The following MMP26 variants were observed in gnomAD, a reference collection of about 807,000 sequenced individuals.
MMP26 encodes the protein matrix metallopeptidase 26, also known as matrix metalloproteinase-26.
Under a neutral mutation model 31.0 loss-of-function variants are expected in MMP26, and 33 were observed. The ratio of observed to expected loss-of-function variants is 1.06; its 90% confidence interval spans 0.81 to 1.42. The LOEUF (loss-of-function observed/expected upper bound fraction) is 1.42. Among genes scored for constraint, MMP26 ranks in the 40% most tolerant of loss-of-function variants. The pLI is 0.00. For missense variants in MMP26, 347 were observed against 316.1 expected (o/e 1.10, Z -0.74); for synonymous variants, 122 against 114.9 (o/e 1.06, Z -0.40).
intron 1 of MMP26, among the ~76,000 whole-genome samples, chr11:4,712,733 A>G (rs1250904508): frequency 1.3e-5 from 2 of 152,042 alleles, no homozygotes; most frequent in Admixed American, 1.3e-4. Flanking sequence ...GTACCTTAAT[A>G]AAATCCACTT....
intron 2 of MMP26, among the ~76,000 whole-genome samples, chr11:4,956,335 G>A (rs1846442581): frequency 6.6e-6 from 1 of 152,178 alleles, no homozygotes; most frequent in South Asian, 2.1e-4. Context: ...TCTGGGGATT[G>A]CAGCCAGGGT....
intron 2 of MMP26, among the ~76,000 whole-genome samples, chr11:4,939,764 G>C (rs1474232474): frequency 1.3e-5 from 2 of 152,060 alleles, no homozygotes; most frequent in African/African-American, 4.8e-5. Context: ...CCAGGACCTT[G>C]CTTCCTTGGA....
chr11:4,898,920 T>C (rs1433784660), intron 2 of MMP26, among the ~76,000 whole-genome samples: 1 of 151,436 alleles, frequency 6.6e-6, no homozygotes, highest in Non-Finnish European at 1.5e-5. Context: ...GAAGCTTTAT[T>C]AGTTAGAAAG....
chr11:4,848,713 G>A (rs1025636880), intron 2 of MMP26: 4 of 1,613,970 alleles, frequency 2.5e-6, no homozygotes, highest in Admixed American at 3.3e-5. Context: ...AATGGCAGGG[G>A]CAGATGGAGA....
At chr11:4,781,595 A>C (rs1446380369) in intron 2 of MMP26, among the ~76,000 whole-genome samples, 5 of 57,740 alleles carry the variant, frequency 8.7e-5, no homozygotes, top group East Asian at 7.3e-4. Flanking sequence ...AAAAAAAAAA[A>C]AAAAAAAAAA....
chr11:4,859,698 C>T (rs1564795473), intron 2 of MMP26: 1 of 469,640 alleles, frequency 2.1e-6, no homozygotes. Flanking sequence ...TGGGGTTTAG[C>T]ACAGGCGGGA....
chr11:4,810,120 C>T (rs561620145), intron 2 of MMP26, among the ~76,000 whole-genome samples: 122 of 152,320 alleles, frequency 8.0e-4, no homozygotes, highest in African/African-American at 2.8e-3. Flanking sequence ...AGCATTAACC[C>T]ATCCCTTTCC....
chr11:4,938,790 C>T (rs1278195228), intron 2 of MMP26, among the ~76,000 whole-genome samples: 2 of 152,028 alleles, frequency 1.3e-5, no homozygotes, highest in Non-Finnish European at 2.9e-5. Flanking sequence ...ATAGGATGAA[C>T]ATTTGAAGTA....
At chr11:4,734,633 T>C (rs1345238746) in intron 1 of MMP26, among the ~76,000 whole-genome samples, 1 of 152,184 alleles carries the variant, frequency 6.6e-6, no homozygotes, top group Non-Finnish European at 1.5e-5. Flanking sequence ...GGGATTTTTT[T>C]TATGACCCGT....
intron 2 of MMP26, among the ~76,000 whole-genome samples, chr11:4,986,942 TCTCTCTCTCTCTCTCTCC>T (rs1589824944): frequency 5.0e-5 from 6 of 120,932 alleles, no homozygotes; most frequent in East Asian, 4.3e-4. Flanking sequence ...CCTCTCTCTC[TCTCTCTCTCTCTCTCTCC>T]CTCTCTCTCT....
chr11:4,946,956 A>G, intron 2 of MMP26: 1 of 1,605,586 alleles, frequency 6.2e-7, no homozygotes, highest in Non-Finnish European at 8.5e-7. Context: ...TTGATGATAA[A>G]AAGAATGGTG....
chr11:4,837,192 T>C (rs1849730822), intron 2 of MMP26, among the ~76,000 whole-genome samples: 1 of 152,106 alleles, frequency 6.6e-6, no homozygotes. Context: ...AAACTGCAAT[T>C]ATGTTTGCAC....
At chr11:4,928,285 C>G (rs1341667697) in intron 2 of MMP26, among the ~76,000 whole-genome samples, 1 of 152,130 alleles carries the variant, frequency 6.6e-6, no homozygotes, top group Non-Finnish European at 1.5e-5. Context: ...GAGCTCTCTT[C>G]AGCCTTCCAT....
At chr11:4,944,335 A>G (rs1323837346) in intron 2 of MMP26, 1 of 173,344 alleles carries the variant, frequency 5.8e-6, no homozygotes, top group East Asian at 1.8e-4. Context: ...TCATTAAATC[A>G]AACTCTCAGA....
chr11:4,811,335 T>A (rs1849347283), intron 2 of MMP26, among the ~76,000 whole-genome samples: 1 of 152,154 alleles, frequency 6.6e-6, no homozygotes, highest in Non-Finnish European at 1.5e-5. Context: ...ATAGGTAGTT[T>A]TTTATCCTCA....
intron 1 of MMP26, chr11:4,756,674 G>A (rs964851783): frequency 1.3e-5 from 2 of 152,184 alleles, no homozygotes; most frequent in Non-Finnish European, 2.9e-5. Flanking sequence ...TGGAGTTGGT[G>A]CTCTAACTGG....
intron 2 of MMP26, among the ~76,000 whole-genome samples, chr11:4,779,000 T>G (rs1589897997): frequency 6.6e-6 from 1 of 152,102 alleles, no homozygotes; most frequent in African/African-American, 2.4e-5. Context: ...TATGTAGTGC[T>G]ATGCCTCTTG....
chr11:4,978,003 C>T (rs1300277105), intron 2 of MMP26, among the ~76,000 whole-genome samples: 1 of 151,866 alleles, frequency 6.6e-6, no homozygotes, highest in Non-Finnish European at 1.5e-5. Flanking sequence ...GGGGATGGTT[C>T]CCCCATGTTG....
chr11:4,792,822 G>A (rs923499232), intron 2 of MMP26, among the ~76,000 whole-genome samples: 2 of 152,106 alleles, frequency 1.3e-5, no homozygotes, highest in South Asian at 2.1e-4. Flanking sequence ...AAGAAGGAGC[G>A]GGGATTATAT....
Sources: gnomAD v4.1 joint callset for allele counts (sites outside exome capture counted in the v4.1 genomes callset) on GRCh38, gnomAD v4.1.1 for gene constraint, MANE v1.5 for transcripts, NCBI Gene and HGNC (gene_info 2026-07-23, HGNC 2026-07-21) for gene names.